BRF1: variants seen among roughly 807,000 people sequenced by gnomAD.
BRF1 encodes the protein BRF1 general transcription factor IIIB subunit, also known as transcription factor IIIB 90 kDa subunit.
Under a neutral mutation model 81.7 loss-of-function variants are expected in BRF1, and 59 were observed. The ratio of observed to expected loss-of-function variants is 0.72; its 90% confidence interval spans 0.59 to 0.90. BRF1 has a LOEUF of 0.90. Ranked by LOEUF, BRF1 falls within the 40% of genes least tolerant of loss-of-function variation. BRF1 has a pLI of 0.00. For missense variants in BRF1, 1,050 were observed against 936.3 expected (o/e 1.12, Z -1.58); for synonymous variants, 491 against 395.6 (o/e 1.24, Z -2.86).
rs756277480 is a variant in BRF1, at chr14:105,221,791, C to A, written c.1172G>T (p.Gly391Val). 6.2e-7 allele frequency: 1 copy of A among 1,611,800 alleles called. No individual in the cohort carries two copies. Among genetic ancestry groups the A allele is most frequent in the African/African-American group, 1.3e-5 (1 of 75,016 alleles). ...LYRELLGGAP[G>V]SSEAAGSPEW... Reference sequence around the variant, plus strand: ...GGGGCTTCCTGCTGCTTCCGAGCTGCCGGGGGCACCACCAAGGAGCTCCCG... The same window carrying A: ...GGGGCTTCCTGCTGCTTCCGAGCTGACGGGGGCACCACCAAGGAGCTCCCG... Residue 391 changes from glycine (G) to valine (V), a missense_variant, in exon 11 of 18, where the codon GGC becomes GTC. Coordinates refer to ENST00000547530, the MANE Select transcript of BRF1 (RefSeq NM_001519.4).
intron 1 of BRF1, among the ~76,000 whole-genome samples, chr14:105,307,637 G>A (rs2058228120): frequency 1.3e-5 from 2 of 152,222 alleles, no homozygotes; most frequent in African/African-American, 2.4e-5. Flanking sequence ...CAGGGGAAAT[G>A]AGAAAGCAAG....
intron 3 of BRF1, among the ~76,000 whole-genome samples, chr14:105,267,257 C>G (rs587644889): frequency 3.2e-4 from 49 of 152,268 alleles, no homozygotes; most frequent in African/African-American, 1.2e-3. Flanking sequence ...TGGGCCCACG[C>G]TGGGTGTGCC....
intron 5 of BRF1, chr14:105,249,562 G>T: frequency 6.3e-7 from 1 of 1,589,288 alleles, no homozygotes; most frequent in Non-Finnish European, 8.6e-7. Flanking sequence ...CACAGGAGCT[G>T]ATGGACTCCT....
chr14:105,216,740 C>T (rs1157101082), intron 15 of BRF1, among the ~76,000 whole-genome samples: 1 of 152,258 alleles, frequency 6.6e-6, no homozygotes, highest in Non-Finnish European at 1.5e-5. Flanking sequence ...CACTGCCCCA[C>T]AGGCGGAAGC....
Position 105,252,499 on chromosome 14 carries a change from A to G in BRF1, c.544+8T>C. ...CCGGACACCCCAGCATCTCACCCAGATGCCTACCTATGGCCGGCGCATTGA... is the reference window on the plus strand; with the variant it reads ...CCGGACACCCCAGCATCTCACCCAGGTGCCTACCTATGGCCGGCGCATTGA... On this transcript the variant is annotated splice_region_variant and intron_variant, in intron 5 of 17. Coordinates refer to ENST00000547530, the MANE Select transcript of BRF1 (RefSeq NM_001519.4). The G allele has an allele frequency of 6.2e-7, 1 of 1,613,324 alleles. No homozygotes were observed. Among genetic ancestry groups the G allele is most frequent in the African/African-American group, 1.3e-5 (1 of 75,018 alleles).
chr14:105,246,753 A>C (rs2055141518), intron 5 of BRF1: 27 of 960,828 alleles, frequency 2.8e-5, no homozygotes, highest in Non-Finnish European at 3.3e-5. Flanking sequence ...CACCGCGCCC[A>C]ACCTACACTG....
At chr14:105,263,668 G>A (rs1272437234) in intron 3 of BRF1, among the ~76,000 whole-genome samples, 1 of 152,136 alleles carries the variant, frequency 6.6e-6, no homozygotes, top group Admixed American at 6.5e-5. Context: ...GCTCACGCCT[G>A]TAATCCCAAC....
upstream of BRF1, among the ~76,000 whole-genome samples, chr14:105,301,741 C>T (rs2058037174): frequency 6.6e-6 from 1 of 152,222 alleles, no homozygotes; most frequent in Non-Finnish European, 1.5e-5. Context: ...TCGCTGTGCC[C>T]CCTGCCCAGA....
intron 3 of BRF1, among the ~76,000 whole-genome samples, chr14:105,266,666 C>A (rs1197590344): frequency 1.2e-4 from 19 of 152,082 alleles, no homozygotes; most frequent in Non-Finnish European, 2.4e-4. Context: ...AGGAGAGAGC[C>A]AGGCACATCT....
chr14:105,277,795 C>A (rs1248944495), intron 2 of BRF1, among the ~76,000 whole-genome samples: 1 of 152,208 alleles, frequency 6.6e-6, no homozygotes, highest in African/African-American at 2.4e-5. Flanking sequence ...CGCTCTGTCA[C>A]CCAGGCTAGA....
chr14:105,248,428 C>T (rs906627252), intron 5 of BRF1: 2 of 985,238 alleles, frequency 2.0e-6, no homozygotes, highest in Non-Finnish European at 2.4e-6. Context: ...CTGCACAGCG[C>T]GCGGCTCGCG....
chr14:105,227,986 G>A (rs1466056346), intron 7 of BRF1: 3 of 152,222 alleles, frequency 2.0e-5, no homozygotes, highest in East Asian at 3.8e-4. Context: ...ACAGGGCTGC[G>A]GTGCAGGCGA....
At chr14:105,212,297 C>T (rs957528295) in intron 15 of BRF1, 133 bp from the exon 16 acceptor site, 27 of 1,217,650 alleles carry the variant, frequency 2.2e-5, no homozygotes, top group East Asian at 2.1e-4. Context: ...CCTGGTTCTG[C>T]GTCCAGGTTC....
At position 105,241,386 on chromosome 14, in the gene BRF1, C is replaced by A. The variant is rs200926791; in HGVS notation, c.573G>T (p.Ala191=). 1.2e-6 allele frequency: 2 copies of A among 1,612,650 alleles called. No homozygotes were observed. ...IDPCLYIPRF[A]HLLEFGEKNH... ...TCTTCTCCCCGAATTCCAGCAGGTG[C>A]GCAAAGCGTGGAATATACAGGCACG... The change falls in exon 6 of 18, where the codon GCG becomes GCT. Residue 191 remains alanine (A), a synonymous_variant. Coordinates refer to ENST00000547530, the MANE Select transcript of BRF1 (RefSeq NM_001519.4).
rs1237468383 is a variant in BRF1 at position 105,309,791 on chromosome 14, T to C, written c.-162+5531A>G. On this transcript the variant is annotated intron_variant, in intron 1 of 17. Transcript: ENST00000327359. The surrounding 1 kb of genome is among the most constrained non-coding windows in gnomAD (Gnocchi z 4.0). Reference sequence around the variant, plus strand: ...TGATGTGTGTCTTTTTTTTTTTTTTTTTTTTTTTTTTTTAGACGGAGTCTC... The same window carrying C: ...TGATGTGTGTCTTTTTTTTTTTTTTCTTTTTTTTTTTTTAGACGGAGTCTC... Among the ~76,000 whole-genome samples, 2 of 147,040 alleles carry C rather than the reference T, an allele frequency of 1.4e-5. No homozygotes were observed. The highest frequency in any genetic ancestry group is 3.0e-5 in the Non-Finnish European group (2 of 66,600).
At chr14:105,229,647 GGACAGCC>G (rs2054411635) in intron 6 of BRF1, among the ~76,000 whole-genome samples, 1 of 150,960 alleles carries the variant, frequency 6.6e-6, no homozygotes, top group Admixed American at 6.6e-5. Context: ...TGGGGGCGGG[GGACAGCC>G]TGGCAGCCCC....
intron 10 of BRF1, 145 bp downstream of exon 10, chr14:105,225,924 G>GC: frequency 1.2e-6 from 1 of 805,204 alleles, no homozygotes; most frequent in Non-Finnish European, 1.9e-6. Flanking sequence ...GGGATTACAG[G>GC]CGTGAGCCAC....
chr14:105,296,519 A>G (rs1390879868), intron 1 of BRF1, among the ~76,000 whole-genome samples: 1 of 151,782 alleles, frequency 6.6e-6, no homozygotes, highest in African/African-American at 2.4e-5. Context: ...TCTCAAAAAA[A>G]AAAACAAAAA....
intron 2 of BRF1, 37 bp from the exon 3 acceptor site, chr14:105,272,931 TC>T (rs752137146): frequency 1.4e-5 from 22 of 1,542,244 alleles, no homozygotes; most frequent in Admixed American, 3.8e-5. Flanking sequence ...AGCCAAATGT[TC>T]CCACAGAACA....
Sources: gnomAD v4.1 joint callset for allele counts (sites outside exome capture counted in the v4.1 genomes callset) on GRCh38, gnomAD v4.1.1 for gene constraint, Gnocchi (gnomAD v3.1) non-coding constraint, MANE v1.5 for transcripts, NCBI Gene and HGNC (gene_info 2026-07-23, HGNC 2026-07-21) for gene names.